Variants in ADIPOR2 observed in about 807,000 individuals in gnomAD.
ADIPOR2 encodes the protein adiponectin receptor protein 2.
In ADIPOR2, 18 loss-of-function variants were observed where a neutral mutation model predicts 40.9. The ratio of observed to expected loss-of-function variants is 0.44; its 90% confidence interval spans 0.30 to 0.65. ADIPOR2 has a LOEUF of 0.65. Among genes scored for constraint, ADIPOR2 ranks in the 30% least tolerant of loss-of-function variants. The probability of loss-of-function intolerance (pLI) is 0.09; values close to 1 mark genes in which losing one functional copy is unlikely to be tolerated. For synonymous variants in ADIPOR2, 165 were observed against 166.4 expected, an observed-to-expected ratio of 0.99 and a Z score of 0.06; for missense variants, 283 against 479.2, an observed-to-expected ratio of 0.59 and a Z score of 3.82.
chr12:1,770,707 G>A (rs778910263), intron 2 of ADIPOR2, among the ~76,000 whole-genome samples: 1 of 152,106 alleles, frequency 6.6e-6, no homozygotes, highest in Non-Finnish European at 1.5e-5. Context: ...GAAATGATAC[G>A]CTAAAAATGT....
At position 1,780,483 on chromosome 12, in the gene ADIPOR2, T is replaced by C. The variant is rs1592633044; in HGVS notation, c.496T>C (p.Tyr166His). 1 of 1,612,728 alleles carries C rather than the reference T, an allele frequency of 6.2e-7. No individual in the cohort carries two copies. ...CVFFLCLGIF[Y>H]MFRPNISFVA... ...ATTCTTCCTGTGCCTGGGGATCTTT[T>C]ATATGTTTCGCCCAAATATCTCCTT... The change falls in exon 5 of 8, where the codon TAT (tyrosine) becomes CAT (histidine). Residue 166 changes from tyrosine (Y) to histidine (H), a missense_variant. Physicochemically the swap from Tyr to His is moderately conservative, Grantham distance 83. Transcript: ENST00000357103.
chr12:1,700,485 C>G (rs2094647974), intron 1 of ADIPOR2, among the ~76,000 whole-genome samples: 2 of 151,940 alleles, frequency 1.3e-5, no homozygotes. Flanking sequence ...GAAAGGATAT[C>G]TGGTAACTTA....
intron 1 of ADIPOR2, among the ~76,000 whole-genome samples, chr12:1,715,182 G>A (rs1253672308): frequency 2.0e-5 from 3 of 152,134 alleles, no homozygotes. Flanking sequence ...TGCAAGCTTT[G>A]CATAGTTGTG....
Position 1,748,538 on chromosome 12 carries a change from G to A in ADIPOR2, c.-86-5720G>A, listed in dbSNP as rs142378559. Among the ~76,000 whole-genome samples, 125 of 152,172 alleles carry A rather than the reference G, an allele frequency of 8.2e-4. 1 individual carries two copies. Among genetic ancestry groups the A allele is most frequent in the African/African-American group, 1.0e-3 (43 of 41,524 alleles). On this transcript the variant is annotated intron_variant, in intron 1 of 7. Coordinates refer to ENST00000357103, the MANE Select transcript of ADIPOR2 (RefSeq NM_024551.3). ...GCTGGGATTACAGGCGTGAGCCACC[G>A]TGCCTGGCCTGCGTTTTACATTTAA...
At chr12:1,701,127 C>CTT (rs34379541) in intron 1 of ADIPOR2, among the ~76,000 whole-genome samples, 32,134 of 123,530 alleles carry the variant, frequency 0.26, 4,640 homozygotes, top group Admixed American at 0.4. Flanking sequence ...TGGTGTTGAT[C>CTT]TTTTTTTTTT....
At chr12:1,734,931 C>T (rs575382966) in intron 1 of ADIPOR2, among the ~76,000 whole-genome samples, 52 of 152,222 alleles carry the variant, frequency 3.4e-4, no homozygotes, top group African/African-American at 1.2e-3. Flanking sequence ...GGCACTATTT[C>T]TGAGGGCTCT....
chr12:1,783,794 A>G, intron 6 of ADIPOR2, 86 bp from the exon 7 acceptor site: 1 of 1,099,056 alleles, frequency 9.1e-7, no homozygotes, highest in Non-Finnish European at 1.3e-6. Context: ...TTCAGTTTAC[A>G]GAGTTAATGG....
chr12:1,745,949 T>A (rs970221159), intron 1 of ADIPOR2, among the ~76,000 whole-genome samples: 3 of 151,966 alleles, frequency 2.0e-5, no homozygotes, highest in African/African-American at 7.3e-5. Context: ...CCCTTGTACC[T>A]GTAGTCCAAA....
chr12:1,759,788 A>G lies in ADIPOR2; in HGVS notation c.171+5274A>G, dbSNP rs201331137. ...ACACCTGTAATGTCAGCACTTTGGG[A>G]GGCCGAGGCAGACAGATCATGAGGT... On this transcript the variant is annotated intron_variant, in intron 2 of 7. Transcript: ENST00000357103. 2.0e-4 allele frequency among the ~76,000 whole-genome samples: 30 copies of G among 152,162 alleles called. No homozygotes were observed. In the East Asian group the frequency reaches 5.8e-3, roughly 29 times the overall value.
At chr12:1,736,487 T>C (rs1349319111) in intron 1 of ADIPOR2, among the ~76,000 whole-genome samples, 1 of 152,228 alleles carries the variant, frequency 6.6e-6, no homozygotes, top group Non-Finnish European at 1.5e-5. Flanking sequence ...TTGTGTCTAT[T>C]TGATTCTTCT....
chr12:1,775,136 GTTTT>G (rs1174353394), intron 3 of ADIPOR2, among the ~76,000 whole-genome samples: 1 of 152,182 alleles, frequency 6.6e-6, no homozygotes, highest in Non-Finnish European at 1.5e-5. Context: ...GCGTCCAGCT[GTTTT>G]TTTAAGAAAT....
At chr12:1,747,398 C>T (rs554502691) in intron 1 of ADIPOR2, among the ~76,000 whole-genome samples, 3 of 135,446 alleles carry the variant, frequency 2.2e-5, no homozygotes, top group Non-Finnish European at 4.8e-5. Flanking sequence ...GACAAAAACA[C>T]AGCATACCAA....
intron 1 of ADIPOR2, among the ~76,000 whole-genome samples, chr12:1,707,377 C>A (rs1718862671): frequency 6.6e-6 from 1 of 151,034 alleles, no homozygotes; most frequent in African/African-American, 2.4e-5. Context: ...TTCCTGTAAT[C>A]TCATTTACAT....
At chr12:1,696,913 A>C (rs189604780) in intron 1 of ADIPOR2, 1 of 153,090 alleles carries the variant, frequency 6.5e-6, no homozygotes, top group Non-Finnish European at 1.5e-5. Flanking sequence ...TTGGACTGTC[A>C]TGTCTTCCCT....
rs537705498 is a variant in ADIPOR2 at position 1,722,149 on chromosome 12, G to A, written c.-87+30958G>A. On this transcript the variant is annotated intron_variant, in intron 1 of 7. Transcript: ENST00000357103. ...TGTATTAGTATAGGTGAGAGGTGGT[G>A]GTGGCTTGGGCCAGAGAGTAAATTA... Among the ~76,000 whole-genome samples, 13 of 152,316 alleles carry A rather than the reference G, an allele frequency of 8.5e-5. 1 individual carries two copies. In the South Asian group the frequency reaches 2.3e-3, roughly 27 times the overall value.
chr12:1,698,609 A>G (rs988783683), intron 1 of ADIPOR2, among the ~76,000 whole-genome samples: 10 of 152,202 alleles, frequency 6.6e-5, no homozygotes, highest in African/African-American at 2.2e-4. Flanking sequence ...CTAGTGTAGT[A>G]TTATTAAATG....
intron 1 of ADIPOR2, among the ~76,000 whole-genome samples, chr12:1,732,557 C>T (rs2094722560): frequency 6.6e-6 from 1 of 152,174 alleles, no homozygotes; most frequent in Non-Finnish European, 1.5e-5. Context: ...ATTCATTGAC[C>T]TATTAAAGAC....
chr12:1,781,806 A>T (rs1166762795), intron 6 of ADIPOR2, among the ~76,000 whole-genome samples: 8 of 152,226 alleles, frequency 5.3e-5, no homozygotes, highest in Admixed American at 2.0e-4. Flanking sequence ...ACCCTGGATC[A>T]TCCGGGGGTA....
intron 1 of ADIPOR2, among the ~76,000 whole-genome samples, chr12:1,694,675 T>G (rs2094634305): frequency 6.6e-6 from 1 of 152,208 alleles, no homozygotes; most frequent in Non-Finnish European, 1.5e-5. Context: ...TTCCTTCTCA[T>G]GCGCTAGTTT....
Sources: allele counts gnomAD v4.1 joint callset (sites outside exome capture counted in the v4.1 genomes callset), GRCh38; gene constraint gnomAD v4.1.1; transcripts MANE v1.5; gene names NCBI Gene and HGNC (gene_info 2026-07-23, HGNC 2026-07-21).